The following CSMD1 variants were observed in gnomAD, a reference collection of about 807,000 sequenced individuals.
CSMD1 encodes the protein CUB and Sushi multiple domains 1, also known as CUB and sushi domain-containing protein 1.
A neutral mutation model predicts 417.5 loss-of-function variants in CSMD1; 213 were observed. That is an observed-to-expected ratio of 0.51 (90% CI 0.46 to 0.57). CSMD1 has a LOEUF of 0.57. Among genes scored for constraint, CSMD1 ranks in the 20% least tolerant of loss-of-function variants. The pLI, the probability that CSMD1 is intolerant of heterozygous loss-of-function variation, is 0.00. For synonymous variants in CSMD1, 2,862 were observed against 1,736.8 expected (o/e 1.65, Z -16.11); for missense variants, 6,923 against 4,529.7 (o/e 1.53, Z -15.17).
intron 3 of CSMD1, among the ~76,000 whole-genome samples, chr8:4,062,626 C>T (rs1799035558): frequency 6.6e-6 from 1 of 151,916 alleles, no homozygotes; most frequent in Non-Finnish European, 1.5e-5. Context: ...AAAAACAGCA[C>T]TTATTAGATT....
At chr8:4,241,144 C>CTA (rs1216784948) in intron 3 of CSMD1, among the ~76,000 whole-genome samples, 1 of 152,078 alleles carries the variant, frequency 6.6e-6, no homozygotes, top group East Asian at 1.9e-4. Flanking sequence ...ACTGATGGCC[C>CTA]TACAGCTTGT....
chr8:4,004,337 G>C (rs1471477140), intron 4 of CSMD1, among the ~76,000 whole-genome samples: 2 of 151,774 alleles, frequency 1.3e-5, no homozygotes, highest in African/African-American at 2.4e-5. Context: ...ATGTGTTTCT[G>C]AGAGAGTATA....
chr8:4,731,006 T>G (rs1470010593), intron 1 of CSMD1, among the ~76,000 whole-genome samples: 1 of 152,094 alleles, frequency 6.6e-6, no homozygotes, highest in African/African-American at 2.4e-5. Context: ...TGTCATGGTT[T>G]TAAAGTTCTA....
intron 1 of CSMD1, among the ~76,000 whole-genome samples, chr8:4,883,005 A>G (rs938140347): frequency 6.6e-6 from 1 of 152,118 alleles, no homozygotes; most frequent in Non-Finnish European, 1.5e-5. Flanking sequence ...ATTGACAATT[A>G]GCTGAGAGCT....
chr8:3,663,640 C>G (rs1374016997), intron 7 of CSMD1, among the ~76,000 whole-genome samples: 1 of 152,150 alleles, frequency 6.6e-6, no homozygotes, highest in Non-Finnish European at 1.5e-5. Context: ...TAATCAGAAA[C>G]TCAAAAGAAT....
At chr8:4,984,291 T>C (rs764514272) in intron 1 of CSMD1, among the ~76,000 whole-genome samples, 6 of 152,206 alleles carry the variant, frequency 3.9e-5, no homozygotes, top group African/African-American at 7.2e-5. Flanking sequence ...AACAAACATA[T>C]GACCCCTTGG....
intron 3 of CSMD1, among the ~76,000 whole-genome samples, chr8:4,324,829 C>G (rs1050690792): frequency 1.3e-5 from 2 of 152,130 alleles, no homozygotes; most frequent in African/African-American, 4.8e-5. Context: ...AGAACATAAG[C>G]AAGACAAAGA....
At chr8:3,611,236 T>C (rs1034175779) in intron 8 of CSMD1, among the ~76,000 whole-genome samples, 1 of 121,538 alleles carries the variant, frequency 8.2e-6, no homozygotes, top group Non-Finnish European at 1.9e-5. Context: ...AGTATAATAA[T>C]AATAAAGTTA....
chr8:3,586,941 A>C (rs748582773), intron 8 of CSMD1, among the ~76,000 whole-genome samples: 9 of 152,192 alleles, frequency 5.9e-5, no homozygotes, highest in Non-Finnish European at 1.0e-4. Flanking sequence ...CTGGGACTAC[A>C]GATGTGCACA....
At chr8:4,204,148 G>A (rs1216667070) in intron 3 of CSMD1, among the ~76,000 whole-genome samples, 2 of 151,986 alleles carry the variant, frequency 1.3e-5, no homozygotes, top group Non-Finnish European at 2.9e-5. Context: ...CAGTTTTCAA[G>A]TCCTGAAATT....
intron 5 of CSMD1, among the ~76,000 whole-genome samples, chr8:3,895,364 G>A (rs937904919): frequency 3.3e-5 from 5 of 151,992 alleles, no homozygotes; most frequent in Admixed American, 3.3e-4. Flanking sequence ...ATAACACAAG[G>A]GAAATATTTT....
intron 6 of CSMD1, among the ~76,000 whole-genome samples, chr8:3,732,840 A>G (rs1002435820): frequency 6.6e-6 from 1 of 152,154 alleles, no homozygotes; most frequent in Non-Finnish European, 1.5e-5. Flanking sequence ...GAGTGATTCA[A>G]GACTATTTTG....
At position 3,807,724 on chromosome 8, in the gene CSMD1, C is replaced by G. The variant is rs145594603; in HGVS notation, c.819-53682G>C. On this transcript the variant is annotated intron_variant, in intron 5 of 69. Transcript: ENST00000635120. ...CTTGAGCTATAAGGGATCCTAATGT[C>G]TTTATTACACAGGAATCATCTTTAG... 3.6e-3 allele frequency among the ~76,000 whole-genome samples: 553 copies of G among 152,200 alleles called. 4 individuals are homozygous for G. The highest frequency in any genetic ancestry group is 0.012 in the African/African-American group (496 of 41,510).
chr8:3,636,712 G>T (rs527785370), intron 7 of CSMD1, among the ~76,000 whole-genome samples: 12 of 152,328 alleles, frequency 7.9e-5, no homozygotes, highest in Admixed American at 6.5e-4. Context: ...ACGCTCTTGT[G>T]ACCATCTTGG....
chr8:4,018,579 G>C (rs1297560313), intron 4 of CSMD1, among the ~76,000 whole-genome samples: 1 of 152,158 alleles, frequency 6.6e-6, no homozygotes, highest in African/African-American at 2.4e-5. Context: ...AGCCTCTCCA[G>C]GCAACCAGCA....
chr8:4,014,208 C>G (rs545242947), intron 4 of CSMD1, among the ~76,000 whole-genome samples: 2 of 152,240 alleles, frequency 1.3e-5, no homozygotes, highest in South Asian at 4.1e-4. Flanking sequence ...AAACAACATT[C>G]CTAGAAATCT....
At chr8:4,824,583 C>G (rs1015260051) in intron 1 of CSMD1, among the ~76,000 whole-genome samples, 1 of 152,140 alleles carries the variant, frequency 6.6e-6, no homozygotes, top group Non-Finnish European at 1.5e-5. Flanking sequence ...ACAAGACAGT[C>G]TTTCAATTTC....
At chr8:4,550,782 C>G (rs1240338436) in intron 2 of CSMD1, among the ~76,000 whole-genome samples, 1 of 152,180 alleles carries the variant, frequency 6.6e-6, no homozygotes, top group African/African-American at 2.4e-5. Flanking sequence ...GTTTAATCAT[C>G]TTTATCAACA....
chr8:3,192,748 G>A (rs1009384976), intron 33 of CSMD1, among the ~76,000 whole-genome samples: 2 of 152,166 alleles, frequency 1.3e-5, no homozygotes, highest in Non-Finnish European at 2.9e-5. Flanking sequence ...GTCCATCACA[G>A]GAGGTCAGGT....
Sources: gnomAD v4.1 joint callset for allele counts (sites outside exome capture counted in the v4.1 genomes callset) on GRCh38, gnomAD v4.1.1 for gene constraint, MANE v1.5 for transcripts, NCBI Gene and HGNC (gene_info 2026-07-23, HGNC 2026-07-21) for gene names.